The following ZC3H3 variants were observed in gnomAD, a reference collection of about 807,000 sequenced individuals.
ZC3H3 encodes the protein zinc finger CCCH-type containing 3.
A neutral mutation model predicts 77.3 loss-of-function variants in ZC3H3; 36 were observed. The ratio of observed to expected loss-of-function variants is 0.47; its 90% CI spans 0.36 to 0.61. ZC3H3 has a LOEUF of 0.61. Among genes scored for constraint, ZC3H3 ranks in the 20% least tolerant of loss-of-function variants. The pLI is 0.00. For synonymous variants in ZC3H3, 626 were observed against 555.2 expected, an observed-to-expected ratio of 1.13 and a Z score of -1.79; for missense variants, 1,331 against 1,312.2, an observed-to-expected ratio of 1.01 and a Z score of -0.22.
intron 4 of ZC3H3, among the ~76,000 whole-genome samples, chr8:143,506,623 A>G (rs988863546): frequency 2.0e-5 from 3 of 152,246 alleles, no homozygotes; most frequent in African/African-American, 7.2e-5. Flanking sequence ...TAAAACAAAA[A>G]TATTACAAAA....
intron 9 of ZC3H3, among the ~76,000 whole-genome samples, chr8:143,458,368 T>C (rs1320370022): frequency 6.7e-6 from 1 of 148,362 alleles, no homozygotes; most frequent in Admixed American, 6.7e-5. Context: ...AGGACACAGC[T>C]GGGTGCAGTG....
In ZC3H3 at chr8:143,440,174, C is replaced by T; in HGVS notation, c.2682G>A (p.Gln894=). The T allele has an allele frequency of 1.2e-6, 2 of 1,612,044 alleles. No homozygotes were observed. Among genetic ancestry groups the T allele is most frequent in the South Asian group, 1.1e-5 (1 of 90,788 alleles). ...ASLDHEAPSL[Q]EAALAAACSN... ...AGCACGCTGCTGCTAAGGCAGCCTCCTGGAGAGATGGTGCCTCGTGGTCCA... is the reference window on the plus strand; with the variant it reads ...AGCACGCTGCTGCTAAGGCAGCCTCTTGGAGAGATGGTGCCTCGTGGTCCA... The change falls in exon 11 of 12, where the codon CAG becomes CAA. Residue 894 remains glutamine (Q), a synonymous_variant. Coordinates refer to ENST00000262577, the MANE Select transcript of ZC3H3 (RefSeq NM_015117.3).
intron 3 of ZC3H3, among the ~76,000 whole-genome samples, chr8:143,526,113 T>TG (rs1157562569): frequency 5.3e-5 from 8 of 152,174 alleles, no homozygotes; most frequent in African/African-American, 1.9e-4. Context: ...GCTGCCCCAG[T>TG]GGGGCCACAG....
intron 4 of ZC3H3, among the ~76,000 whole-genome samples, chr8:143,502,417 G>A (rs1338909362): frequency 2.6e-5 from 4 of 152,226 alleles, no homozygotes; most frequent in Non-Finnish European, 5.9e-5. Context: ...TTAATGAGAC[G>A]CCACTTTGGA....
chr8:143,508,583 G>C (rs1207571154), intron 3 of ZC3H3, among the ~76,000 whole-genome samples: 2 of 152,334 alleles, frequency 1.3e-5, no homozygotes, highest in East Asian at 3.9e-4. Flanking sequence ...TTCGAGGGTT[G>C]CGTCTAATTG....
At chr8:143,513,653 A>G (rs1303052891) in intron 3 of ZC3H3, among the ~76,000 whole-genome samples, 1 of 152,214 alleles carries the variant, frequency 6.6e-6, no homozygotes, top group Non-Finnish European at 1.5e-5. Flanking sequence ...TGCTTGGGGT[A>G]CAGCGCCTGC....
chr8:143,453,261 TTTTTTTTTA>T (rs1222133373), intron 9 of ZC3H3, among the ~76,000 whole-genome samples: 1 of 21,452 alleles, frequency 4.7e-5, no homozygotes. Flanking sequence ...TTTTTTTGTT[TTTTTTTTTA>T]AAGAGATGGG....
chr8:143,526,700 C>T (rs1026325543), intron 3 of ZC3H3, among the ~76,000 whole-genome samples: 3 of 152,116 alleles, frequency 2.0e-5, no homozygotes, highest in African/African-American at 2.4e-5. Flanking sequence ...ACAGCCCCAG[C>T]AGGGGACTAA....
chr8:143,473,319 T>TG (rs1820631163), intron 5 of ZC3H3, among the ~76,000 whole-genome samples: 3 of 152,136 alleles, frequency 2.0e-5, no homozygotes. Context: ...CTGTCCCTTC[T>TG]GGGCCCTCTC....
intron 4 of ZC3H3, among the ~76,000 whole-genome samples, chr8:143,504,857 G>A (rs1056186818): frequency 7.9e-5 from 12 of 152,178 alleles, no homozygotes; most frequent in African/African-American, 2.2e-4. Flanking sequence ...TGTTGGCCTC[G>A]TCCATCTCCC....
At chr8:143,468,347 C>A in intron 7 of ZC3H3, 35 bp downstream of exon 7, 1 of 1,611,640 alleles carries the variant, frequency 6.2e-7, no homozygotes, top group South Asian at 1.1e-5. Flanking sequence ...CTGCACAGAA[C>A]CTCCCCCAGG....
intron 4 of ZC3H3, among the ~76,000 whole-genome samples, chr8:143,490,266 A>G (rs1220012898): frequency 1.3e-5 from 2 of 152,214 alleles, no homozygotes; most frequent in Non-Finnish European, 2.9e-5. Flanking sequence ...GAGGGCCCAC[A>G]TAGCAATACA....
chr8:143,471,374 G>C (rs538404399), intron 5 of ZC3H3, among the ~76,000 whole-genome samples: 1 of 152,358 alleles, frequency 6.6e-6, no homozygotes, highest in South Asian at 2.1e-4. Context: ...AGGGAGGGTG[G>C]GCAGGTGACC....
chr8:143,503,338 G>C (rs1235465622), intron 4 of ZC3H3, among the ~76,000 whole-genome samples: 1 of 152,120 alleles, frequency 6.6e-6, no homozygotes, highest in Non-Finnish European at 1.5e-5. Flanking sequence ...ATGATGTCTG[G>C]CGTGTGCCTC....
chr8:143,540,458 G>A (rs1351590631), intron 1 of ZC3H3, among the ~76,000 whole-genome samples: 2 of 152,110 alleles, frequency 1.3e-5, no homozygotes, highest in Non-Finnish European at 2.9e-5. Flanking sequence ...TCAAACTCCC[G>A]GGCTCAAGCC....
intron 3 of ZC3H3, among the ~76,000 whole-genome samples, chr8:143,516,665 C>T (rs1300224743): frequency 6.6e-6 from 1 of 152,116 alleles, no homozygotes; most frequent in Non-Finnish European, 1.5e-5. Flanking sequence ...CATCCGGCCC[C>T]TCCTGGGAGC....
At chr8:143,485,528 A>G (rs1821029057) in intron 4 of ZC3H3, among the ~76,000 whole-genome samples, 2 of 152,230 alleles carry the variant, frequency 1.3e-5, no homozygotes, top group South Asian at 2.1e-4. Context: ...CCTACCTCAG[A>G]CCACAGGTAA....
chr8:143,482,203 C>T (rs1425345539), intron 4 of ZC3H3, among the ~76,000 whole-genome samples: 1 of 152,236 alleles, frequency 6.6e-6, no homozygotes, highest in Non-Finnish European at 1.5e-5. Context: ...GCACTGTGCT[C>T]CCTCCTGGCG....
chr8:143,449,011 T>G (rs1329439506), intron 9 of ZC3H3, among the ~76,000 whole-genome samples: 1 of 152,226 alleles, frequency 6.6e-6, no homozygotes, highest in African/African-American at 2.4e-5. Flanking sequence ...CCTTGGCCCC[T>G]TTGAGCCACA....
Sources: gnomAD v4.1 joint callset for allele counts (sites outside exome capture counted in the v4.1 genomes callset) on GRCh38, gnomAD v4.1.1 for gene constraint, MANE v1.5 for transcripts, NCBI Gene and HGNC (gene_info 2026-07-23, HGNC 2026-07-21) for gene names.